Variants in GALNT17 observed in about 807,000 individuals in gnomAD.
The protein encoded by GALNT17 is UDP-GalNAc:polypeptide N-acetylgalactosaminyltransferase-like 3.
GALNT17 carries 29 observed loss-of-function variants against 63.7 expected under a neutral mutation model. That is an observed-to-expected ratio of 0.46 (90% CI 0.34 to 0.62). The LOEUF is 0.62. Ranked by LOEUF, GALNT17 falls within the 20% of genes least tolerant of loss-of-function variation. GALNT17 has a pLI of 0.01. For synonymous variants in GALNT17, 305 were observed against 318.3 expected (o/e 0.96, Z 0.45); for missense variants, 603 against 799.6 (o/e 0.75, Z 2.97).
At chr7:71,490,260 AAAAAAAAAAAG>A (rs1270271271) in intron 5 of GALNT17, among the ~76,000 whole-genome samples, 3 of 151,778 alleles carry the variant, frequency 2.0e-5, no homozygotes, top group African/African-American at 7.3e-5. Flanking sequence ...CTGTCTCAAA[AAAAAAAAAAAG>A]AAGCATGATC....
At chr7:71,171,967 C>T (rs181102741) in intron 1 of GALNT17, among the ~76,000 whole-genome samples, 2 of 152,220 alleles carry the variant, frequency 1.3e-5, no homozygotes. Context: ...CTCCCACCCC[C>T]AGCCCACCTA....
chr7:71,633,493 G>T (rs1362938807), intron 6 of GALNT17, among the ~76,000 whole-genome samples: 4 of 152,150 alleles, frequency 2.6e-5, no homozygotes, highest in Non-Finnish European at 4.4e-5. Context: ...CTTTTACCAG[G>T]CAGGGAGTGT....
rs59825536 is a variant in GALNT17 at position 71,259,638 on chromosome 7, G to T, written c.239-75912G>T. On this transcript the variant is annotated intron_variant, in intron 1 of 10. Coordinates refer to ENST00000333538, the MANE Select transcript of GALNT17 (RefSeq NM_022479.3). ...AGATCTTGGTCCTGTTTTGTTTTTT[G>T]TTTTTTTGTTTTTTTTTTTTTGAGA... Among the ~76,000 whole-genome samples the T allele has an allele frequency of 6.7e-3, 918 of 137,884 alleles. 14 individuals carry two copies. Among genetic ancestry groups the T allele is most frequent in the East Asian group, 0.029 (131 of 4,594 alleles). 90.5% of individuals were successfully genotyped at this position (137,884 alleles called of 152,430 possible).
intron 5 of GALNT17, among the ~76,000 whole-genome samples, chr7:71,544,046 G>GC (rs1179513983): frequency 1.3e-5 from 2 of 151,260 alleles, no homozygotes; most frequent in Admixed American, 1.3e-4. Context: ...ACCCGCCTCA[G>GC]CCCCCCAAAG....
rs532368328 is a variant in GALNT17 at position 71,226,847 on chromosome 7, G to C, written c.238+93807G>C. Among the ~76,000 whole-genome samples the C allele has an allele frequency of 6.6e-5, 10 of 152,186 alleles. No individual in the cohort carries two copies. The South Asian group carries it at 1.2e-3, about 19-fold the overall frequency. ...CATGAATGGAAAGTATTGCCAAAAGGCTCCGTGGTCCTTTTGGGTCTCCTT... is the reference window on the plus strand; with the variant it reads ...CATGAATGGAAAGTATTGCCAAAAGCCTCCGTGGTCCTTTTGGGTCTCCTT... On this transcript the variant is annotated intron_variant, in intron 1 of 10. Transcript: ENST00000333538.
chr7:71,419,147 C>T (rs1236014899), intron 4 of GALNT17, among the ~76,000 whole-genome samples: 1 of 152,172 alleles, frequency 6.6e-6, no homozygotes, highest in Non-Finnish European at 1.5e-5. Context: ...GACTCTTTCG[C>T]TGCTGATAGA....
chr7:71,394,097 A>G lies in GALNT17; in HGVS notation c.589+5696A>G, dbSNP rs376602122. On this transcript the variant is annotated intron_variant, in intron 3 of 10. Coordinates refer to ENST00000333538, the MANE Select transcript of GALNT17 (RefSeq NM_022479.3). The stretch of plus-strand genomic sequence containing the variant: ...GGTAATTTATAACGGAAAGTAATTT[A>G]TTTCACACACGGTTCTGTAGACTGT... 3.3e-5 allele frequency among the ~76,000 whole-genome samples: 5 copies of G among 152,272 alleles called. No homozygotes were observed. The South Asian group carries it at 1.0e-3, about 32-fold the overall frequency.
At chr7:71,377,403 A>G (rs1476930415) in intron 2 of GALNT17, among the ~76,000 whole-genome samples, 1 of 152,124 alleles carries the variant, frequency 6.6e-6, no homozygotes, top group Non-Finnish European at 1.5e-5. Context: ...CAAAGAAGAC[A>G]TAGAGCTTTG....
chr7:71,544,051 C>G (rs7793591), intron 5 of GALNT17, among the ~76,000 whole-genome samples: 4 of 151,912 alleles, frequency 2.6e-5, no homozygotes, highest in Admixed American at 6.6e-5. Context: ...CCTCAGCCCC[C>G]CAAAGGGCCA....
At chr7:71,509,467 GTATT>G (rs942272526) in intron 5 of GALNT17, among the ~76,000 whole-genome samples, 88 of 152,188 alleles carry the variant, frequency 5.8e-4, no homozygotes, top group African/African-American at 2.1e-3. Context: ...CCCATTCTGG[GTATT>G]TATAATTTGC....
chr7:71,244,867 T>C (rs368258077), intron 1 of GALNT17, among the ~76,000 whole-genome samples: 6 of 152,142 alleles, frequency 3.9e-5, no homozygotes, highest in African/African-American at 1.4e-4. Context: ...GGAGGATCAC[T>C]TGAGCCCAGG....
At chr7:71,654,932 G>A (rs1364895333) in intron 6 of GALNT17, among the ~76,000 whole-genome samples, 1 of 152,144 alleles carries the variant, frequency 6.6e-6, no homozygotes, top group African/African-American at 2.4e-5. Context: ...GGGATTACAG[G>A]CACCTGCCGC....
chr7:71,458,458 CA>C (rs2116572628), intron 5 of GALNT17, among the ~76,000 whole-genome samples: 2 of 152,276 alleles, frequency 1.3e-5, no homozygotes, highest in East Asian at 3.9e-4. Context: ...CCCTATTGGG[CA>C]TGTTGCATTT....
intron 5 of GALNT17, among the ~76,000 whole-genome samples, chr7:71,502,919 G>T (rs1788203788): frequency 6.6e-6 from 1 of 152,154 alleles, no homozygotes; most frequent in African/African-American, 2.4e-5. Flanking sequence ...TGCTTGAGAT[G>T]GCTCTTAATA....
At chr7:71,255,930 T>C (rs555780533) in intron 1 of GALNT17, among the ~76,000 whole-genome samples, 34 of 152,250 alleles carry the variant, frequency 2.2e-4, no homozygotes, top group African/African-American at 8.2e-4. Context: ...CAGGCCATGA[T>C]AGGGAGGGGA....
chr7:71,242,777 G>C (rs1790023298), intron 1 of GALNT17, among the ~76,000 whole-genome samples: 1 of 152,124 alleles, frequency 6.6e-6, no homozygotes, highest in South Asian at 2.1e-4. Context: ...TGGTAAAGCT[G>C]GTGTCATTTT....
chr7:71,418,838 T>G (rs529846504), intron 4 of GALNT17, among the ~76,000 whole-genome samples: 2 of 152,162 alleles, frequency 1.3e-5, no homozygotes, highest in Non-Finnish European at 2.9e-5. Flanking sequence ...CGTGGTGGCT[T>G]ACACCTCTCA....
intron 9 of GALNT17, among the ~76,000 whole-genome samples, chr7:71,679,886 T>C (rs543464601): frequency 7.6e-4 from 103 of 134,812 alleles, no homozygotes; most frequent in African/African-American, 2.8e-3. Flanking sequence ...TTTTTTCTTT[T>C]TCCCTCCCTC....
chr7:71,528,772 A>G (rs1156383151), intron 5 of GALNT17, among the ~76,000 whole-genome samples: 1 of 152,184 alleles, frequency 6.6e-6, no homozygotes, highest in Non-Finnish European at 1.5e-5. Context: ...CTCAAAAATG[A>G]TTGAAATAAA....
Sources: allele counts gnomAD v4.1 joint callset (sites outside exome capture counted in the v4.1 genomes callset), GRCh38; gene constraint gnomAD v4.1.1; transcripts MANE v1.5; gene names NCBI Gene and HGNC (gene_info 2026-07-23, HGNC 2026-07-21).